Variants in FBN2 observed in about 807,000 individuals in gnomAD.
FBN2 encodes fibrillin 2.
A neutral mutation model predicts 355.6 loss-of-function variants in FBN2; 105 were observed. The ratio of observed to expected loss-of-function variants is 0.30; its 90% CI spans 0.25 to 0.35. The LOEUF is 0.35. Ranked by LOEUF, FBN2 falls within the 10% of genes least tolerant of loss-of-function variation. FBN2 has a pLI of 1.00. For missense variants in FBN2, 3,280 were observed against 3,758.7 expected (o/e 0.87, Z 3.33); for synonymous variants, 1,350 against 1,301.2 (o/e 1.04, Z -0.81).
Position 128,261,856 on chromosome 5 carries a change from A to G in FBN2, c.8244T>C (p.Asp2748=), listed in dbSNP as rs1262858861. 6.2e-7 allele frequency: 1 copy of G among 1,613,952 alleles called. No homozygotes were observed. The highest frequency in any genetic ancestry group is 8.5e-7 in the Non-Finnish European group (1 of 1,179,908). The change falls in exon 64 of 65, where the codon GAT becomes GAC. Residue 2748 remains aspartate, a synonymous_variant. Coordinates refer to ENST00000262464, the MANE Select transcript of FBN2 (RefSeq NM_001999.4). ...GFNKGQYLSL[D]TEVDEENALS... ...GAGCATTTTCCTCATCGACCTCTGT[A>G]TCCAGTGACAGGTACTGCCCCTTGT...
intron 7 of FBN2, among the ~76,000 whole-genome samples, chr5:128,445,638 A>G (rs1754043910): frequency 6.6e-6 from 1 of 152,210 alleles, no homozygotes; most frequent in Non-Finnish European, 1.5e-5. Flanking sequence ...AAAAAATGAG[A>G]ACAGTTATAC....
chr5:128,317,090 T>C (rs1258972828), intron 36 of FBN2, among the ~76,000 whole-genome samples: 1 of 152,150 alleles, frequency 6.6e-6, no homozygotes, highest in Non-Finnish European at 1.5e-5. Context: ...CCCCTTGCAC[T>C]GGCTTCTCCT....
At chr5:128,535,448 A>C (rs1041999455) in intron 2 of FBN2, among the ~76,000 whole-genome samples, 1 of 152,168 alleles carries the variant, frequency 6.6e-6, no homozygotes, top group Admixed American at 6.5e-5. Context: ...CATGGAGGTC[A>C]ATCTAAAGTC....
At chr5:128,294,646 G>A (rs1464919253) in intron 48 of FBN2, among the ~76,000 whole-genome samples, 4 of 147,658 alleles carry the variant, frequency 2.7e-5, no homozygotes, top group Non-Finnish European at 6.0e-5. Flanking sequence ...CTTTTGAGAA[G>A]TGTCTGTTCA....
chr5:128,473,731 G>A (rs970865462), intron 5 of FBN2, among the ~76,000 whole-genome samples: 11 of 152,088 alleles, frequency 7.2e-5, no homozygotes, highest in Non-Finnish European at 1.2e-4. Flanking sequence ...CAATTACCAT[G>A]CCCAGGTTTG....
At chr5:128,449,497 C>T (rs1428681307) in intron 6 of FBN2, among the ~76,000 whole-genome samples, 1 of 144,480 alleles carries the variant, frequency 6.9e-6, no homozygotes, top group Non-Finnish European at 1.5e-5. Context: ...TAATATTATA[C>T]TATTTGAAAA....
intron 49 of FBN2, 113 bp from the exon 50 acceptor site, chr5:128,290,997 T>TG: frequency 1.0e-6 from 1 of 991,990 alleles, no homozygotes; most frequent in Non-Finnish European, 1.5e-6. Flanking sequence ...AAGGCAGGTC[T>TG]GGAAATCTTC....
intron 8 of FBN2, among the ~76,000 whole-genome samples, chr5:128,404,651 T>C (rs901628172): frequency 4.6e-5 from 7 of 152,230 alleles, no homozygotes; most frequent in African/African-American, 1.7e-4. Flanking sequence ...CAGCACAAAC[T>C]TCTATGCAAG....
chr5:128,530,586 G>C lies in FBN2; in HGVS notation c.436+9C>G, dbSNP rs1188387771. 6.3e-7 allele frequency: 1 copy of C among 1,590,778 alleles called. No homozygotes were observed. The highest frequency in any genetic ancestry group is 8.6e-7 in the Non-Finnish European group (1 of 1,159,058). ...AATGCAGTGAAAAGGCCACAAGTAAGAAACATACTTGATTTTGATCCACAG... is the reference window on the plus strand; with the variant it reads ...AATGCAGTGAAAAGGCCACAAGTAACAAACATACTTGATTTTGATCCACAG... On this transcript the variant is annotated intron_variant, in intron 3 of 64. Coordinates refer to ENST00000262464, the MANE Select transcript of FBN2 (RefSeq NM_001999.4).
intron 5 of FBN2, among the ~76,000 whole-genome samples, chr5:128,505,574 T>C (rs915602600): frequency 2.0e-5 from 3 of 152,154 alleles, no homozygotes; most frequent in African/African-American, 7.2e-5. Flanking sequence ...TAACAACATA[T>C]CCTTCACTCT....
chr5:128,490,167 A>G (rs1314018826), intron 5 of FBN2, among the ~76,000 whole-genome samples: 1 of 152,220 alleles, frequency 6.6e-6, no homozygotes, highest in African/African-American at 2.4e-5. Context: ...TAATCAGAAA[A>G]AACATAAATC....
chr5:128,527,047 G>A (rs771766396), intron 4 of FBN2, among the ~76,000 whole-genome samples: 1 of 152,090 alleles, frequency 6.6e-6, no homozygotes, highest in Non-Finnish European at 1.5e-5. Flanking sequence ...AAGATTAGCA[G>A]GAACGTATAG....
At chr5:128,512,299 G>A (rs1756151553) in intron 5 of FBN2, among the ~76,000 whole-genome samples, 1 of 152,018 alleles carries the variant, frequency 6.6e-6, no homozygotes, top group Non-Finnish European at 1.5e-5. Flanking sequence ...ATCACCTGAG[G>A]TCAGGAGTTT....
At position 128,536,388 on chromosome 5, in the gene FBN2, T is replaced by A. The variant is rs1756847729; in HGVS notation, c.337+14A>T. 6.2e-7 allele frequency: 1 copy of A among 1,611,254 alleles called. No individual in the cohort carries two copies. The highest frequency in any genetic ancestry group is 8.5e-7 in the Non-Finnish European group (1 of 1,177,700). Reference sequence around the variant, plus strand: ...GTGCGCTGCCCCAAGCTGCGATCCCTGCCAAGCACTCACGGACAATGCACT... The same window carrying A: ...GTGCGCTGCCCCAAGCTGCGATCCCAGCCAAGCACTCACGGACAATGCACT... On this transcript the variant is annotated intron_variant, in intron 2 of 64. Transcript: ENST00000262464.
Position 128,289,899 on chromosome 5 carries a change from A to T in FBN2, c.6494T>A (p.Leu2165His). 6.3e-7 allele frequency: 1 copy of T among 1,598,794 alleles called. No individual in the cohort carries two copies. The highest frequency in any genetic ancestry group is 8.6e-7 in the Non-Finnish European group (1 of 1,166,212). ...CPYGHGTVPS[L>H]HDTREDVNEC... ...AAGCGTACCTTCACGTGTATCATGA[A>T]GACTAGGGACAGTTCCATGGCCATA... The change falls in exon 51 of 65, where the codon CTT becomes CAT. Residue 2165 changes from leucine to histidine, a missense_variant. Transcript: ENST00000262464.
chr5:128,331,682 G>A (rs551606904), intron 32 of FBN2, among the ~76,000 whole-genome samples: 10 of 152,254 alleles, frequency 6.6e-5, no homozygotes, highest in African/African-American at 2.2e-4. Flanking sequence ...CAGCAGACAC[G>A]AAGAGCGAGG....
intron 5 of FBN2, among the ~76,000 whole-genome samples, chr5:128,472,473 G>A (rs1423541030): frequency 6.6e-6 from 1 of 152,144 alleles, no homozygotes; most frequent in Non-Finnish European, 1.5e-5. Context: ...GAATGTGAAT[G>A]TACTTCAAGC....
At chr5:128,344,225 T>C (rs1751105380) in intron 25 of FBN2, among the ~76,000 whole-genome samples, 160 bp downstream of exon 25, 1 of 152,194 alleles carries the variant, frequency 6.6e-6, no homozygotes, top group African/African-American at 2.4e-5. Context: ...CACTCCAGCC[T>C]GGGCGACTAA....
At chr5:128,369,485 T>C (rs1751870583) in intron 15 of FBN2, 151 bp from the exon 16 acceptor site, 1 of 705,780 alleles carries the variant, frequency 1.4e-6, no homozygotes, top group Non-Finnish European at 2.4e-6. Context: ...CATCTAATAG[T>C]GTTAGGAAAT....
Sources: allele counts gnomAD v4.1 joint callset (sites outside exome capture counted in the v4.1 genomes callset), GRCh38; gene constraint gnomAD v4.1.1; transcripts MANE v1.5; gene names NCBI Gene and HGNC (gene_info 2026-07-23, HGNC 2026-07-21).